WDFY2: variants seen among roughly 807,000 people sequenced by gnomAD.
The protein encoded by WDFY2 is WD repeat and FYVE domain-containing protein 2.
WDFY2 carries 36 observed loss-of-function variants against 56.4 expected under a neutral mutation model. The ratio of observed to expected loss-of-function variants is 0.64; its 90% confidence interval spans 0.49 to 0.84. The LOEUF is 0.84. WDFY2 is among the 40% of genes least tolerant of loss of function. The probability of loss-of-function intolerance (pLI) is 0.00; values close to 1 mark genes in which losing one functional copy is unlikely to be tolerated. For synonymous variants in WDFY2, 176 were observed against 183.7 expected (o/e 0.96, Z 0.34); for missense variants, 444 against 512.2 (o/e 0.87, Z 1.29).
At chr13:51,705,936 A>G (rs190836294) in intron 4 of WDFY2, among the ~76,000 whole-genome samples, 15 of 152,298 alleles carry the variant, frequency 9.8e-5, no homozygotes, top group African/African-American at 3.6e-4. Context: ...CATTAAATAT[A>G]TTAATTTCTG....
intron 4 of WDFY2, among the ~76,000 whole-genome samples, chr13:51,711,752 A>C (rs1375869180): frequency 6.6e-6 from 1 of 152,224 alleles, no homozygotes; most frequent in Non-Finnish European, 1.5e-5. Flanking sequence ...TACATCTCAC[A>C]CCAGTTAGAA....
Position 51,584,612 on chromosome 13 carries a change from C to G in WDFY2, c.-76C>G. 2.0e-6 allele frequency: 3 copies of G among 1,519,166 alleles called. No individual in the cohort carries two copies. Among genetic ancestry groups the G allele is most frequent in the South Asian group, 2.5e-5 (2 of 80,552 alleles). The allele number at this position is 1,519,166 out of a possible 1,614,324, so 94.1% of individuals were successfully genotyped here. On this transcript the variant is annotated 5_prime_UTR_variant, in exon 1 of 12. Transcript: ENST00000298125. The stretch of plus-strand genomic sequence containing the variant: ...CCAGAGTCTCTGTCTCAACCTGTGT[C>G]CGTGCTCCAGCAGTCTCCTCAGCCC...
intron 1 of WDFY2, among the ~76,000 whole-genome samples, chr13:51,610,772 G>GA (rs1954486999): frequency 6.6e-6 from 1 of 152,124 alleles, no homozygotes; most frequent in Admixed American, 6.5e-5. Context: ...GTATTTGGTT[G>GA]TTTTTATACT....
chr13:51,596,778 G>A lies in WDFY2; in HGVS notation c.137+11954G>A, dbSNP rs543838329. On this transcript the variant is annotated intron_variant, in intron 1 of 11. Coordinates refer to ENST00000298125, the MANE Select transcript of WDFY2 (RefSeq NM_052950.4). Reference sequence around the variant, plus strand: ...CATGAGAAGGGACAAGGATCTGAGGGGGTCTTATCTCTGGTGCTGCTTGGC... The same window carrying A: ...CATGAGAAGGGACAAGGATCTGAGGAGGTCTTATCTCTGGTGCTGCTTGGC... 1.1e-4 allele frequency among the ~76,000 whole-genome samples: 17 copies of A among 152,328 alleles called. No homozygotes were observed. In the East Asian group the frequency reaches 2.9e-3, roughly 26 times the overall value.
At chr13:51,586,980 A>G (rs572721469) in intron 1 of WDFY2, 3 of 152,294 alleles carry the variant, frequency 2.0e-5, no homozygotes, top group South Asian at 2.1e-4. Context: ...CCAAAATTCA[A>G]TGTTAATGTC....
intron 4 of WDFY2, among the ~76,000 whole-genome samples, chr13:51,708,937 G>A (rs1439252886): frequency 6.6e-6 from 1 of 152,224 alleles, no homozygotes; most frequent in East Asian, 1.9e-4. Flanking sequence ...ATGAGGGCCA[G>A]TCTGCCAGAA....
intron 1 of WDFY2, among the ~76,000 whole-genome samples, chr13:51,603,203 C>T (rs1954319844): frequency 6.6e-6 from 1 of 152,182 alleles, no homozygotes; most frequent in Admixed American, 6.5e-5. Context: ...TTCCTTTGCT[C>T]TTCTTGTTTA....
intron 1 of WDFY2, among the ~76,000 whole-genome samples, chr13:51,613,508 T>C (rs972527707): frequency 1.3e-5 from 2 of 152,214 alleles, no homozygotes; most frequent in Non-Finnish European, 2.9e-5. Context: ...TCTAGTGAAA[T>C]ACTTTGAAGA....
intron 1 of WDFY2, among the ~76,000 whole-genome samples, chr13:51,628,614 C>G (rs1025444679): frequency 2.0e-5 from 3 of 152,138 alleles, no homozygotes; most frequent in African/African-American, 4.8e-5. Context: ...CTAGCGGCAC[C>G]CCCCCTGCTG....
chr13:51,621,474 C>A (rs567486052), intron 1 of WDFY2, among the ~76,000 whole-genome samples: 1 of 152,252 alleles, frequency 6.6e-6, no homozygotes, highest in East Asian at 1.9e-4. Context: ...CACTGCACTG[C>A]AGCTTGGGCG....
At chr13:51,593,274 A>C (rs1051435229) in intron 1 of WDFY2, among the ~76,000 whole-genome samples, 28 of 152,016 alleles carry the variant, frequency 1.8e-4, no homozygotes, top group Admixed American at 1.3e-4. Flanking sequence ...GGCATATCCT[A>C]CTCTCAGGGT....
intron 1 of WDFY2, among the ~76,000 whole-genome samples, chr13:51,622,803 A>T (rs57803556): frequency 3.3e-5 from 5 of 151,372 alleles, no homozygotes; most frequent in African/African-American, 1.2e-4. Flanking sequence ...TCATGTAATT[A>T]TAGTTTGAAC....
intron 5 of WDFY2, among the ~76,000 whole-genome samples, chr13:51,723,606 A>G (rs1037152286): frequency 2.0e-5 from 3 of 152,158 alleles, no homozygotes; most frequent in Non-Finnish European, 4.4e-5. Context: ...AACTGCCCCT[A>G]TAATCTTGAT....
intron 1 of WDFY2, among the ~76,000 whole-genome samples, chr13:51,624,841 G>A (rs1245092253): frequency 6.6e-6 from 1 of 152,242 alleles, no homozygotes; most frequent in Non-Finnish European, 1.5e-5. Context: ...AACAGCCAGT[G>A]CAAAGGCAGG....
At chr13:51,680,893 A>G (rs555248203) in intron 3 of WDFY2, among the ~76,000 whole-genome samples, 1 of 152,320 alleles carries the variant, frequency 6.6e-6, no homozygotes, top group Admixed American at 6.5e-5. Flanking sequence ...CAAGTAGGAC[A>G]GCCCAGCTGC....
Position 51,764,622 on chromosome 13 carries a change from C to G in WDFY2, c.*4853C>G, listed in dbSNP as rs748402862. 1 of 152,244 alleles carries G rather than the reference C, an allele frequency of 6.6e-6. No homozygotes were observed. Among genetic ancestry groups the G allele is most frequent in the East Asian group, 1.9e-4 (1 of 5,192 alleles). The allele number at this position is 152,244 out of a possible 1,614,324, so 9.4% of individuals were successfully genotyped here. ...GAGGAAAGCAGCACACAGCTCACCA[C>G]GAGGGGTTTCCCCAGAGGCTCCTCC... On this transcript the variant is annotated 3_prime_UTR_variant, in exon 12 of 12. Coordinates refer to ENST00000298125, the MANE Select transcript of WDFY2 (RefSeq NM_052950.4).
chr13:51,647,385 T>C lies in WDFY2; in HGVS notation c.138-13211T>C, dbSNP rs193015534. 2.4e-4 allele frequency among the ~76,000 whole-genome samples: 36 copies of C among 152,360 alleles called. No homozygotes were observed. The East Asian group carries it at 5.8e-3, about 24-fold the overall frequency. ...TGTATCATGTAACTATACTGAATAA[T>C]GTAGGCAACTGTAACACAAATGGTG... On this transcript the variant is annotated intron_variant, in intron 1 of 11. Coordinates refer to ENST00000298125, the MANE Select transcript of WDFY2 (RefSeq NM_052950.4).
At chr13:51,674,736 G>A (rs371907534) in intron 2 of WDFY2, among the ~76,000 whole-genome samples, 14 of 152,164 alleles carry the variant, frequency 9.2e-5, no homozygotes, top group African/African-American at 3.4e-4. Context: ...TCTGTATGTG[G>A]GTGGGGAGGG....
chr13:51,716,115 G>T (rs529135863), intron 4 of WDFY2, among the ~76,000 whole-genome samples: 1 of 152,118 alleles, frequency 6.6e-6, no homozygotes, highest in East Asian at 1.9e-4. Context: ...GAAAAAAGCC[G>T]CACACAAAAG....
Sources: gnomAD v4.1 joint callset for allele counts (sites outside exome capture counted in the v4.1 genomes callset) on GRCh38, gnomAD v4.1.1 for gene constraint, MANE v1.5 for transcripts, NCBI Gene and HGNC (gene_info 2026-07-23, HGNC 2026-07-21) for gene names.